EHBP1: variants seen among roughly 807,000 people sequenced by gnomAD.
EHBP1 encodes the protein EH domain binding protein 1.
In EHBP1, 55 loss-of-function variants were observed where a neutral mutation model predicts 144.0. The ratio of observed to expected loss-of-function variants is 0.38; its 90% confidence interval spans 0.31 to 0.48. The LOEUF is 0.48. Ranked by LOEUF, EHBP1 falls within the 20% of genes least tolerant of loss-of-function variation. The pLI, the probability that EHBP1 is intolerant of heterozygous loss-of-function variation, is 0.98. For synonymous variants in EHBP1, 469 were observed against 472.7 expected (o/e 0.99, Z 0.10); for missense variants, 1,200 against 1,364.2 (o/e 0.88, Z 1.90).
intron 16 of EHBP1, among the ~76,000 whole-genome samples, chr2:62,991,281 G>A: frequency 6.6e-6 from 1 of 150,636 alleles, no homozygotes; most frequent in East Asian, 1.9e-4. Context: ...TAAAAAAATT[G>A]TATTAAATAG....
intron 10 of EHBP1, among the ~76,000 whole-genome samples, chr2:62,898,386 A>G (rs2053115128): frequency 6.6e-6 from 1 of 152,192 alleles, no homozygotes; most frequent in Non-Finnish European, 1.5e-5. Flanking sequence ...GAGTTAACCA[A>G]GAGCAGAAAA....
intron 10 of EHBP1, among the ~76,000 whole-genome samples, chr2:62,929,760 GA>G (rs2055833975): frequency 1.3e-5 from 2 of 151,790 alleles, no homozygotes; most frequent in African/African-American, 4.8e-5. Flanking sequence ...AATCAGAAAG[GA>G]AGGCATAAGA....
intron 5 of EHBP1, among the ~76,000 whole-genome samples, chr2:62,789,058 C>G (rs1053144615): frequency 4.6e-5 from 7 of 152,158 alleles, no homozygotes; most frequent in Non-Finnish European, 1.0e-4. Flanking sequence ...ACCTTAGATC[C>G]AGAGTCACAC....
chr2:62,715,256 A>C (rs1246045780), intron 2 of EHBP1, among the ~76,000 whole-genome samples: 2 of 152,050 alleles, frequency 1.3e-5, no homozygotes, highest in Non-Finnish European at 1.5e-5. Flanking sequence ...CTGGGACTAT[A>C]GGTGCATGCC....
chr2:62,940,640 T>G (rs566778112), intron 10 of EHBP1, among the ~76,000 whole-genome samples: 3 of 152,180 alleles, frequency 2.0e-5, no homozygotes, highest in Non-Finnish European at 4.4e-5. Flanking sequence ...AAAGGTCAGT[T>G]CTGGAGTAGA....
chr2:62,949,238 G>T (rs2153091884), intron 13 of EHBP1, 76 bp downstream of exon 13: 2 of 1,263,778 alleles, frequency 1.6e-6, no homozygotes, highest in Non-Finnish European at 2.2e-6. Flanking sequence ...TGCATTCATA[G>T]ATGCTACAAA....
intron 15 of EHBP1, among the ~76,000 whole-genome samples, chr2:62,988,938 C>A (rs1230084049): frequency 6.6e-6 from 1 of 152,084 alleles, no homozygotes; most frequent in Non-Finnish European, 1.5e-5. Context: ...GTTGGAAATA[C>A]TATTATTACT....
chr2:62,884,614 C>G (rs2051763152), intron 10 of EHBP1, among the ~76,000 whole-genome samples: 1 of 152,024 alleles, frequency 6.6e-6, no homozygotes, highest in African/African-American at 2.4e-5. Flanking sequence ...ATTGCCAAAC[C>G]AAAAGGAAGG....
intron 10 of EHBP1, among the ~76,000 whole-genome samples, chr2:62,916,141 T>G (rs1242846789): frequency 6.6e-6 from 1 of 152,144 alleles, no homozygotes; most frequent in Non-Finnish European, 1.5e-5. Flanking sequence ...GGCAACATAG[T>G]GAGATCTTGT....
At chr2:62,750,672 G>C (rs1245382646) in intron 3 of EHBP1, among the ~76,000 whole-genome samples, 4 of 152,166 alleles carry the variant, frequency 2.6e-5, no homozygotes, top group African/African-American at 9.7e-5. Context: ...GCAGTGGTTT[G>C]TAGTTCTCCT....
At chr2:62,778,528 A>C (rs867270731) in intron 5 of EHBP1, among the ~76,000 whole-genome samples, 24 of 144,866 alleles carry the variant, frequency 1.7e-4, no homozygotes, top group Middle Eastern at 3.4e-3. Flanking sequence ...TGGGCGACAG[A>C]GTGAGACCCT....
chr2:62,916,527 A>G (rs950724595), intron 10 of EHBP1, among the ~76,000 whole-genome samples: 14 of 151,852 alleles, frequency 9.2e-5, no homozygotes, highest in Admixed American at 4.6e-4. Context: ...CTGGAGGTGG[A>G]ATTTGCAGTG....
chr2:62,809,313 A>C lies in EHBP1; in HGVS notation c.313-16774A>C, dbSNP rs998166595. Among the ~76,000 whole-genome samples, 156 of 150,988 alleles carry C rather than the reference A, an allele frequency of 1.0e-3. 1 individual carries two copies. Among genetic ancestry groups the C allele is most frequent in the African/African-American group, 3.7e-3 (152 of 41,082 alleles). The stretch of plus-strand genomic sequence containing the variant: ...CTCAGAAAAAAAAAAAAAAAAAAAA[A>C]AACAAGAAGAGCACAGTACCCTTGT... On this transcript the variant is annotated intron_variant, in intron 5 of 22. Coordinates refer to ENST00000431489, the MANE Select transcript of EHBP1 (RefSeq NM_001142616.3).
At chr2:62,746,663 C>T (rs1168955507) in intron 2 of EHBP1, among the ~76,000 whole-genome samples, 1 of 151,798 alleles carries the variant, frequency 6.6e-6, no homozygotes, top group Admixed American at 6.6e-5. Context: ...CGGTTTTAGT[C>T]GTTAAAAGGA....
At chr2:62,710,323 G>T (rs546458316) in intron 2 of EHBP1, among the ~76,000 whole-genome samples, 1 of 151,660 alleles carries the variant, frequency 6.6e-6, no homozygotes, top group Non-Finnish European at 1.5e-5. Flanking sequence ...GTATGAATAC[G>T]TATTATATTT....
At chr2:62,956,836 A>C (rs1396531647) in intron 14 of EHBP1, among the ~76,000 whole-genome samples, 1 of 152,174 alleles carries the variant, frequency 6.6e-6, no homozygotes, top group African/African-American at 2.4e-5. Context: ...GCTGGCTTTC[A>C]GCTAATAAGA....
chr2:63,042,367 G>A (rs1046565415), intron 21 of EHBP1, among the ~76,000 whole-genome samples: 4 of 151,948 alleles, frequency 2.6e-5, no homozygotes, highest in African/African-American at 9.7e-5. Flanking sequence ...TTCCCATTAT[G>A]AGAAAACAAA....
At chr2:62,784,483 T>G (rs1394941159) in intron 5 of EHBP1, among the ~76,000 whole-genome samples, 1 of 152,132 alleles carries the variant, frequency 6.6e-6, no homozygotes. Context: ...TGTAAGCAAA[T>G]CATCGAAATA....
rs764331617 is a variant in EHBP1, at chr2:62,724,641, GT to G, written c.104+17359del. ...CTTTGAAGTTGCTCACCTTTGGATA[GT>G]TTTTTTTTTTTTCTTTTATCCTATT... On this transcript the variant is annotated intron_variant, in intron 2 of 22. Transcript: ENST00000431489. Among the ~76,000 whole-genome samples the G allele has an allele frequency of 1.4e-3, 198 of 145,518 alleles. 1 individual carries two copies. The highest frequency in any genetic ancestry group is 3.6e-3 in the Middle Eastern group (1 of 274).
Sources: gnomAD v4.1 joint callset for allele counts (sites outside exome capture counted in the v4.1 genomes callset) on GRCh38, gnomAD v4.1.1 for gene constraint, MANE v1.5 for transcripts, NCBI Gene and HGNC (gene_info 2026-07-23, HGNC 2026-07-21) for gene names.